CD2AP: variants seen among roughly 807,000 people sequenced by gnomAD.
CD2AP encodes CD2 associated protein.
A neutral mutation model predicts 85.1 loss-of-function variants in CD2AP; 46 were observed. The ratio of observed to expected loss-of-function variants is 0.54; its 90% CI spans 0.43 to 0.69. The LOEUF (loss-of-function observed/expected upper bound fraction) is 0.69. Ranked by LOEUF, CD2AP falls within the 30% of genes least tolerant of loss-of-function variation. CD2AP has a pLI of 0.00. For synonymous variants in CD2AP, 255 were observed against 252.9 expected (o/e 1.01, Z -0.08); for missense variants, 769 against 729.5 (o/e 1.05, Z -0.62).
rs867812274 is a variant in CD2AP at position 47,610,311 on chromosome 6, A to T, written c.1814+1007A>T. 8.5e-5 allele frequency among the ~76,000 whole-genome samples: 13 copies of T among 152,298 alleles called. No individual in the cohort carries two copies. In the South Asian group the frequency reaches 1.2e-3, roughly 15 times the overall value. On this transcript the variant is annotated intron_variant, in intron 16 of 17. Coordinates refer to ENST00000359314, the MANE Select transcript of CD2AP (RefSeq NM_012120.3). ...AAGCCCAGTAGGTAAAATATATTTT[A>T]AAAAAAGCAGTTAATCTAATTGAAA...
chr6:47,484,349 C>G (rs992325012), intron 1 of CD2AP, among the ~76,000 whole-genome samples: 147 of 95,384 alleles, frequency 1.5e-3, no homozygotes, highest in Non-Finnish European at 3.1e-3. Flanking sequence ...TTGATATTAC[C>G]TCTTTTTTTT....
At chr6:47,579,537 C>A in intron 9 of CD2AP, 48 bp downstream of exon 9, 2 of 1,221,606 alleles carry the variant, frequency 1.6e-6, no homozygotes, top group Non-Finnish European at 2.4e-6. Flanking sequence ...GAACATTTTG[C>A]CACTATTCTT....
intron 4 of CD2AP, among the ~76,000 whole-genome samples, chr6:47,545,388 C>T (rs1454293323): frequency 6.6e-6 from 1 of 152,130 alleles, no homozygotes. Context: ...TGCCTAGCCC[C>T]GCCCGCACCT....
At chr6:47,497,634 G>C (rs1446490847) in intron 1 of CD2AP, among the ~76,000 whole-genome samples, 2 of 152,026 alleles carry the variant, frequency 1.3e-5, no homozygotes, top group East Asian at 3.8e-4. Context: ...GGCTGGTCTT[G>C]AACTCCTGGG....
chr6:47,615,779 TTTAATTTAA>T (rs1769562224), intron 17 of CD2AP, among the ~76,000 whole-genome samples: 1 of 85,790 alleles, frequency 1.2e-5, no homozygotes, highest in Non-Finnish European at 2.5e-5. Flanking sequence ...TAATTTTAAT[TTTAATTTAA>T]TTTAATTTAT....
In CD2AP at chr6:47,579,469, G is replaced by A. The variant is rs1356457317; in HGVS notation, c.988G>A (p.Glu330Lys). ...FPDNFAVQIN[E>K]LDKDFPKPKK... ...AGACAATTTTGCTGTCCAGATAAAT[G>A]AACTTGATAAAGACTTTCCAGTAAG... Residue 330 changes from glutamate to lysine, a missense_variant, in exon 9 of 18, where the codon GAA (glutamate) becomes AAA (lysine). By Grantham distance (56) the Glu-to-Lys change is moderately conservative. Transcript: ENST00000359314. 2 of 1,603,378 alleles carry A rather than the reference G, an allele frequency of 1.2e-6. No individual in the cohort carries two copies. The highest frequency in any genetic ancestry group is 1.7e-6 in the Non-Finnish European group (2 of 1,170,298).
chr6:47,496,915 G>A (rs948508164), intron 1 of CD2AP, among the ~76,000 whole-genome samples: 4 of 152,120 alleles, frequency 2.6e-5, no homozygotes, highest in Admixed American at 6.5e-5. Flanking sequence ...GCAACTAATA[G>A]TGTATTTGTG....
chr6:47,610,958 TA>T (rs1769414684), intron 16 of CD2AP, among the ~76,000 whole-genome samples: 1 of 107,728 alleles, frequency 9.3e-6, no homozygotes, highest in South Asian at 3.1e-4. Flanking sequence ...TTTATATATA[TA>T]TATATATATG....
In CD2AP at chr6:47,537,162, T is replaced by C. The variant is rs576738448; in HGVS notation, c.319+3407T>C. Among the ~76,000 whole-genome samples the C allele has an allele frequency of 8.5e-5, 13 of 152,358 alleles. No individual in the cohort carries two copies. In the South Asian group the frequency reaches 2.5e-3, roughly 29 times the overall value. ...GAAAAGCTAGTTGAAACAATGCCAG[T>C]CTACACATTACTTCACTCCCATAAA... is the stretch of plus-strand genomic sequence containing the variant. On this transcript the variant is annotated intron_variant, in intron 3 of 17. Transcript: ENST00000359314.
At chr6:47,499,911 T>C (rs1765957751) in intron 1 of CD2AP, among the ~76,000 whole-genome samples, 1 of 152,180 alleles carries the variant, frequency 6.6e-6, no homozygotes, top group South Asian at 2.1e-4. Context: ...GTATTTTTAG[T>C]AGAGACTGGG....
intron 11 of CD2AP, among the ~76,000 whole-genome samples, chr6:47,595,516 T>A (rs1768915770): frequency 6.6e-6 from 1 of 152,026 alleles, no homozygotes. Flanking sequence ...TCTAGATAAT[T>A]TTCTGGTTAG....
In CD2AP at chr6:47,489,499, A is replaced by G. The variant is rs543769785; in HGVS notation, c.4+11251A>G. Reference sequence around the variant, plus strand: ...CTGCACTCGACTAGTTTTTTAAAAAATAAAGGTCTGTTTGGAAACTGAGGG... The same window carrying G: ...CTGCACTCGACTAGTTTTTTAAAAAGTAAAGGTCTGTTTGGAAACTGAGGG... On this transcript the variant is annotated intron_variant, in intron 1 of 17. Transcript: ENST00000359314. Among the ~76,000 whole-genome samples the G allele has an allele frequency of 4.7e-4, 71 of 152,300 alleles. 1 individual carries two copies. The South Asian group carries it at 5.0e-3, about 11-fold the overall frequency.
At chr6:47,606,356 C>T in intron 14 of CD2AP, 79 bp downstream of exon 14, 1 of 855,756 alleles carries the variant, frequency 1.2e-6, no homozygotes, top group Non-Finnish European at 2.0e-6. Context: ...ACTTATAGCT[C>T]TACCTAAGTT....
chr6:47,491,650 G>A (rs1219055690), intron 1 of CD2AP, among the ~76,000 whole-genome samples: 2 of 151,926 alleles, frequency 1.3e-5, no homozygotes, highest in African/African-American at 4.8e-5. Flanking sequence ...TTATTTTTTT[G>A]AAGTGATTTT....
chr6:47,491,771 A>AT (rs1482972484), intron 1 of CD2AP, among the ~76,000 whole-genome samples: 14 of 152,096 alleles, frequency 9.2e-5, no homozygotes, highest in African/African-American at 3.4e-4. Flanking sequence ...GGATTTTAAG[A>AT]TTTTTAAGCT....
At chr6:47,616,751 A>G (rs1419024452) in intron 17 of CD2AP, among the ~76,000 whole-genome samples, 2 of 152,162 alleles carry the variant, frequency 1.3e-5, no homozygotes, top group African/African-American at 4.8e-5. Flanking sequence ...AAAAAAGTCT[A>G]CTTTTGTGGT....
intron 6 of CD2AP, among the ~76,000 whole-genome samples, chr6:47,576,299 G>T (rs1768310288): frequency 6.6e-6 from 1 of 152,144 alleles, no homozygotes; most frequent in South Asian, 2.1e-4. Context: ...GGACGTCAGA[G>T]AATATTATCT....
At chr6:47,542,289 G>A (rs758969642) in intron 3 of CD2AP, among the ~76,000 whole-genome samples, 2 of 152,070 alleles carry the variant, frequency 1.3e-5, no homozygotes, top group Non-Finnish European at 2.9e-5. Context: ...TTGGTGATAG[G>A]CTACTGATGG....
At chr6:47,533,320 T>G (rs1766938945) in intron 2 of CD2AP, among the ~76,000 whole-genome samples, 1 of 152,176 alleles carries the variant, frequency 6.6e-6, no homozygotes, top group Non-Finnish European at 1.5e-5. Context: ...TGTCTTTGTA[T>G]CTCAGTGTTT....
Sources: gnomAD v4.1 joint callset for allele counts (sites outside exome capture counted in the v4.1 genomes callset) on GRCh38, gnomAD v4.1.1 for gene constraint, MANE v1.5 for transcripts, NCBI Gene and HGNC (gene_info 2026-07-23, HGNC 2026-07-21) for gene names.